The following CCSER1 variants were observed in gnomAD, a reference collection of about 807,000 sequenced individuals.
CCSER1 encodes the protein coiled-coil serine rich protein 1, also known as serine-rich coiled-coil domain-containing protein 1.
CCSER1 carries 41 observed loss-of-function variants against 82.0 expected under a neutral mutation model. The observed-to-expected ratio is 0.50, with a 90% CI of 0.39 to 0.65. CCSER1 has a LOEUF of 0.65. Ranked by LOEUF, CCSER1 falls within the 30% of genes least tolerant of loss-of-function variation. CCSER1 has a pLI of 0.00. For missense variants in CCSER1, 1,119 were observed against 1,064.2 expected (o/e 1.05, Z -0.72); for synonymous variants, 414 against 383.9 (o/e 1.08, Z -0.92).
intron 9 of CCSER1, among the ~76,000 whole-genome samples, chr4:91,064,025 CT>C (rs2148745810): frequency 6.6e-6 from 1 of 152,250 alleles, no homozygotes; most frequent in African/African-American, 2.4e-5. Flanking sequence ...GTTTTCTTAT[CT>C]TTTCTTTCAC....
intron 8 of CCSER1, among the ~76,000 whole-genome samples, chr4:90,889,139 GTATATTGT>G (rs1336240239): frequency 6.6e-6 from 1 of 152,124 alleles, no homozygotes; most frequent in East Asian, 1.9e-4. Flanking sequence ...GAAAGAATCA[GTATATTGT>G]TATGAATAAG....
intron 8 of CCSER1, among the ~76,000 whole-genome samples, chr4:90,816,138 A>G (rs1758980956): frequency 6.6e-6 from 1 of 152,204 alleles, no homozygotes; most frequent in Non-Finnish European, 1.5e-5. Context: ...GGCTTAGGCC[A>G]CATTGTTTTT....
intron 7 of CCSER1, among the ~76,000 whole-genome samples, chr4:90,739,429 TG>T (rs1746173540): frequency 6.6e-6 from 1 of 152,132 alleles, no homozygotes; most frequent in Admixed American, 6.5e-5. Context: ...TACCTGGAGT[TG>T]GGGGAGGGGT....
chr4:91,082,830 T>C (rs1722930092), intron 9 of CCSER1, among the ~76,000 whole-genome samples: 2 of 152,132 alleles, frequency 1.3e-5, no homozygotes, highest in Admixed American at 6.5e-5. Flanking sequence ...TCACTGGTCA[T>C]CAGAGAAATG....
At chr4:90,983,759 A>T (rs1219491613) in intron 9 of CCSER1, among the ~76,000 whole-genome samples, 2 of 151,818 alleles carry the variant, frequency 1.3e-5, no homozygotes, top group Non-Finnish European at 2.9e-5. Flanking sequence ...ATGTTACCTA[A>T]TAAAATTTAA....
intron 1 of CCSER1, among the ~76,000 whole-genome samples, chr4:90,268,710 A>G (rs940145875): frequency 6.6e-6 from 1 of 152,158 alleles, no homozygotes; most frequent in Non-Finnish European, 1.5e-5. Context: ...CAATGAGAAC[A>G]TTGAATGTAA....
chr4:91,575,304 A>G (rs1439429391), intron 10 of CCSER1, among the ~76,000 whole-genome samples: 1 of 152,060 alleles, frequency 6.6e-6, no homozygotes, highest in Admixed American at 6.6e-5. Flanking sequence ...GACATTGATC[A>G]TGGCAATGTT....
chr4:90,132,819 A>T (rs973778727), intron 1 of CCSER1, among the ~76,000 whole-genome samples: 10 of 152,216 alleles, frequency 6.6e-5, no homozygotes, highest in Non-Finnish European at 1.5e-4. Context: ...TCAAATATTA[A>T]TTAAAGTTAA....
intron 3 of CCSER1, chr4:90,370,402 A>G (rs547109422): frequency 6.6e-6 from 1 of 152,262 alleles, no homozygotes; most frequent in African/African-American, 2.4e-5. Flanking sequence ...AAAATTAAGT[A>G]TAAATGGTAG....
At chr4:91,354,675 A>G (rs1197395105) in intron 10 of CCSER1, among the ~76,000 whole-genome samples, 3 of 152,184 alleles carry the variant, frequency 2.0e-5, no homozygotes, top group Non-Finnish European at 2.9e-5. Flanking sequence ...TAGGACGAAA[A>G]ATATGTCAGG....
At chr4:91,215,896 G>C (rs1284226870) in intron 10 of CCSER1, among the ~76,000 whole-genome samples, 2 of 152,200 alleles carry the variant, frequency 1.3e-5, no homozygotes, top group Non-Finnish European at 2.9e-5. Context: ...TTGAGGATCT[G>C]CAAAGTGGCC....
rs745749621 is a variant in CCSER1 at position 90,999,361 on chromosome 4, A to G, written c.2172+75914A>G. Among the ~76,000 whole-genome samples the G allele has an allele frequency of 9.9e-5, 15 of 152,264 alleles. No individual in the cohort carries two copies. The Middle Eastern group carries it at 0.014, about 138-fold the overall frequency. On this transcript the variant is annotated intron_variant, in intron 9 of 10. Coordinates refer to ENST00000509176, the MANE Select transcript of CCSER1 (RefSeq NM_001145065.2). ...ACATTCCCACCAACAGTGTATAAGCATTCTCTTTTCTCCACAGCCTCATCA... is the reference window on the plus strand; with the variant it reads ...ACATTCCCACCAACAGTGTATAAGCGTTCTCTTTTCTCCACAGCCTCATCA...
chr4:91,538,315 G>T (rs1761400710), intron 10 of CCSER1, among the ~76,000 whole-genome samples: 1 of 151,790 alleles, frequency 6.6e-6, no homozygotes, highest in African/African-American at 2.4e-5. Flanking sequence ...TTGGATAATT[G>T]AAAAAAAGTT....
intron 10 of CCSER1, among the ~76,000 whole-genome samples, chr4:91,321,241 T>A (rs1169567140): frequency 6.6e-6 from 1 of 152,102 alleles, no homozygotes; most frequent in African/African-American, 2.4e-5. Context: ...ACACTTTCTC[T>A]TAGTAATTTT....
chr4:90,938,204 A>G (rs1731187784), intron 9 of CCSER1, among the ~76,000 whole-genome samples: 1 of 152,130 alleles, frequency 6.6e-6, no homozygotes, highest in Non-Finnish European at 1.5e-5. Flanking sequence ...GTTGCAGATT[A>G]GCAAAATTCT....
At chr4:90,494,974 T>C (rs1316215006) in intron 5 of CCSER1, among the ~76,000 whole-genome samples, 1 of 152,146 alleles carries the variant, frequency 6.6e-6, no homozygotes. Flanking sequence ...GGCACCTGAT[T>C]TCTGTAGCTT....
At chr4:91,513,884 T>C (rs1759959107) in intron 10 of CCSER1, among the ~76,000 whole-genome samples, 1 of 152,134 alleles carries the variant, frequency 6.6e-6, no homozygotes, top group Non-Finnish European at 1.5e-5. Context: ...CTATCAATGT[T>C]GTTTATCCTC....
intron 10 of CCSER1, among the ~76,000 whole-genome samples, chr4:91,135,537 G>A (rs1728383473): frequency 6.6e-6 from 1 of 152,294 alleles, no homozygotes; most frequent in Admixed American, 6.5e-5. Context: ...TTGCAGTATG[G>A]CAGAGTATCC....
At chr4:91,222,952 T>TA (rs1210455531) in intron 10 of CCSER1, among the ~76,000 whole-genome samples, 1 of 152,150 alleles carries the variant, frequency 6.6e-6, no homozygotes, top group African/African-American at 2.4e-5. Context: ...TATCTTGGTG[T>TA]AAAAAAATCA....
Sources: allele counts gnomAD v4.1 joint callset (sites outside exome capture counted in the v4.1 genomes callset), GRCh38; gene constraint gnomAD v4.1.1; transcripts MANE v1.5; gene names NCBI Gene and HGNC (gene_info 2026-07-23, HGNC 2026-07-21).